The following PPP1R1C variants were observed in gnomAD, a reference collection of about 807,000 sequenced individuals.
PPP1R1C encodes the protein protein phosphatase 1 regulatory subunit 1C.
Under a neutral mutation model 17.4 loss-of-function variants are expected in PPP1R1C, and 15 were observed. The ratio of observed to expected loss-of-function variants is 0.86; its 90% CI spans 0.58 to 1.33. The LOEUF (loss-of-function observed/expected upper bound fraction) is 1.33, where lower values mean the gene tolerates loss of function less well. Ranked by LOEUF, PPP1R1C falls within the 40% of genes most tolerant of loss-of-function variation. The probability of loss-of-function intolerance (pLI) is 0.00; values close to 1 mark genes in which losing one functional copy is unlikely to be tolerated. For missense variants in PPP1R1C, 143 were observed against 130.0 expected (o/e 1.10, Z -0.48); for synonymous variants, 35 against 43.1 (o/e 0.81, Z 0.73).
intron 2 of PPP1R1C, among the ~76,000 whole-genome samples, chr2:181,993,808 GTGAGCCAAAGA>G (rs1223488973): frequency 6.6e-6 from 1 of 151,986 alleles, no homozygotes; most frequent in East Asian, 1.9e-4. Flanking sequence ...TGGAATAATT[GTGAGCCAAAGA>G]TGAGGTTCCA....
Position 181,967,483 on chromosome 2 carries a change from G to A in PPP1R1C, n.112-7736G>A, listed in dbSNP as rs1182477700. On this transcript the variant is annotated intron_variant and non_coding_transcript_variant, in intron 1 of 5. Coordinates refer to the PPP1R1C transcript ENST00000464264. The surrounding 1 kb of genome is among the most constrained non-coding windows in gnomAD (Gnocchi z 5.5). ...GTTTTTGCTGTATCCTACAGGTTTT[G>A]GTACAATGTGTTTCCATTTTCATTT... Among the ~76,000 whole-genome samples the A allele has an allele frequency of 2.6e-5, 4 of 151,860 alleles. No individual in the cohort carries two copies. Among genetic ancestry groups the A allele is most frequent in the Admixed American group, 1.3e-4 (2 of 15,246 alleles).
Position 182,117,634 on chromosome 2 carries a change from A to T in PPP1R1C, c.*339A>T. Reference sequence around the variant, plus strand: ...CTGATAAGGTTTGCATTCTAACAACACATGTAAATAACATCACTTTAAGAG... The same window carrying T: ...CTGATAAGGTTTGCATTCTAACAACTCATGTAAATAACATCACTTTAAGAG... On this transcript the variant is annotated 3_prime_UTR_variant, in exon 5 of 5. Coordinates refer to ENST00000682840, the MANE Select transcript of PPP1R1C (RefSeq NM_001080545.3). The T allele has an allele frequency of 5.1e-6, 1 of 195,332 alleles. No individual in the cohort carries two copies. The highest frequency in any genetic ancestry group is 1.5e-4 in the South Asian group (1 of 6,806). 12.1% of individuals were successfully genotyped at this position (195,332 alleles called of 1,614,324 possible).
chr2:182,050,400 G>T (rs1687476361), intron 2 of PPP1R1C, among the ~76,000 whole-genome samples: 1 of 151,996 alleles, frequency 6.6e-6, no homozygotes, highest in Non-Finnish European at 1.5e-5. Flanking sequence ...TGGTCTTTAG[G>T]ACTAAATTAT....
intron 4 of PPP1R1C, among the ~76,000 whole-genome samples, chr2:182,097,774 ACTT>A (rs1688985780): frequency 6.6e-6 from 1 of 152,114 alleles, no homozygotes; most frequent in Non-Finnish European, 1.5e-5. Flanking sequence ...ATGATTCTCC[ACTT>A]CTTCTCTTCC....
chr2:182,015,992 G>T (rs190792392), intron 2 of PPP1R1C, among the ~76,000 whole-genome samples: 4 of 152,232 alleles, frequency 2.6e-5, no homozygotes. Flanking sequence ...ACTAGGACTT[G>T]CCCAGGAATT....
chr2:182,013,933 C>T (rs1686166477), intron 2 of PPP1R1C, among the ~76,000 whole-genome samples: 1 of 152,142 alleles, frequency 6.6e-6, no homozygotes, highest in African/African-American at 2.4e-5. Context: ...ATTCTGAATT[C>T]CTTTTCTGTG....
intron 4 of PPP1R1C, among the ~76,000 whole-genome samples, chr2:182,071,845 T>A (rs765267768): frequency 2.0e-5 from 3 of 152,218 alleles, no homozygotes; most frequent in Non-Finnish European, 4.4e-5. Context: ...GACTCCTGTG[T>A]CCCATTGACA....
Position 181,992,560 on chromosome 2 carries a change from G to A in PPP1R1C, c.142+4661G>A, listed in dbSNP as rs976079665. On this transcript the variant is annotated intron_variant, in intron 2 of 4. Coordinates refer to ENST00000682840, the MANE Select transcript of PPP1R1C (RefSeq NM_001080545.3). ...TACAGTTATATTTAATGGACCTGACGCCTACTAAACATGAGTGAGCTGTAT... is the reference window on the plus strand; with the variant it reads ...TACAGTTATATTTAATGGACCTGACACCTACTAAACATGAGTGAGCTGTAT... 2.9e-4 allele frequency among the ~76,000 whole-genome samples: 39 copies of A among 134,128 alleles called. 7 individuals are homozygous for A. Among genetic ancestry groups the A allele is most frequent in the African/African-American group, 9.2e-4 (33 of 35,848 alleles). The allele number at this position is 134,128 out of a possible 152,430, so 88.0% of individuals were successfully genotyped here. A position where few individuals can be genotyped will look rare whatever the true frequency, so the allele number is the denominator to read the frequency against.
chr2:182,052,910 A>G (rs1256711456), intron 2 of PPP1R1C, among the ~76,000 whole-genome samples: 1 of 152,188 alleles, frequency 6.6e-6, no homozygotes, highest in African/African-American at 2.4e-5. Flanking sequence ...AGCCAAGAAA[A>G]AAAAATCGTA....
chr2:182,116,933 G>C (rs1689601893), intron 4 of PPP1R1C, among the ~76,000 whole-genome samples: 1 of 152,098 alleles, frequency 6.6e-6, no homozygotes, highest in South Asian at 2.1e-4. Context: ...CAGATTTTTA[G>C]TTAACAGGTT....
intron 4 of PPP1R1C, among the ~76,000 whole-genome samples, chr2:182,087,579 A>G (rs1296050320): frequency 1.3e-5 from 2 of 152,228 alleles, no homozygotes; most frequent in Non-Finnish European, 2.9e-5. Context: ...ATTCCAGTAT[A>G]CCAAAGTATG....
intron 4 of PPP1R1C, among the ~76,000 whole-genome samples, chr2:182,083,091 A>G (rs1688529363): frequency 6.6e-6 from 1 of 152,220 alleles, no homozygotes; most frequent in African/African-American, 2.4e-5. Flanking sequence ...TATTTGTGAT[A>G]TTAGAATCTC....
chr2:182,107,996 TC>T (rs1433014600), intron 4 of PPP1R1C, among the ~76,000 whole-genome samples: 5 of 152,028 alleles, frequency 3.3e-5, no homozygotes, highest in African/African-American at 1.2e-4. Flanking sequence ...TAGAAATTCT[TC>T]CGTCTGTTTT....
chr2:182,029,860 T>C (rs1194738418), intron 2 of PPP1R1C, among the ~76,000 whole-genome samples: 1 of 27,224 alleles, frequency 3.7e-5, no homozygotes, highest in Non-Finnish European at 7.2e-5. Flanking sequence ...CAATCAGACG[T>C]AGATTTGGTC....
At chr2:182,059,263 G>A (rs1687777990) in intron 2 of PPP1R1C, among the ~76,000 whole-genome samples, 1 of 152,058 alleles carries the variant, frequency 6.6e-6, no homozygotes, top group Non-Finnish European at 1.5e-5. Flanking sequence ...AGATATGGCT[G>A]GAATAGCTAC....
rs1689914012 is a variant in PPP1R1C, at chr2:182,127,905, T to G, written c.*7-1069T>G. Among the ~76,000 whole-genome samples, 4 of 151,954 alleles carry G rather than the reference T, an allele frequency of 2.6e-5. No homozygotes were observed. In the South Asian group the frequency reaches 8.3e-4, roughly 31 times the overall value. On this transcript the variant is annotated intron_variant, in intron 5 of 5. Coordinates refer to the PPP1R1C transcript ENST00000280295. Reference sequence around the variant, plus strand: ...CAGACTATTCATATTTGTCAAGGAGTTAAAAATATTAACATTCTGTAGACA... The same window carrying G: ...CAGACTATTCATATTTGTCAAGGAGGTAAAAATATTAACATTCTGTAGACA...
chr2:182,118,556 C>G (rs1046926604), downstream of PPP1R1C, among the ~76,000 whole-genome samples: 1 of 152,056 alleles, frequency 6.6e-6, no homozygotes, highest in Admixed American at 6.6e-5. Flanking sequence ...GTGTAATCCA[C>G]TGTGGGATCT....
At chr2:182,124,472 ATAAAT>A (rs1004461950) in intron 5 of PPP1R1C, among the ~76,000 whole-genome samples, 4 of 151,160 alleles carry the variant, frequency 2.6e-5, no homozygotes, top group South Asian at 2.1e-4. Flanking sequence ...CATTGAATCT[ATAAAT>A]TACTTTGGGC....
At chr2:182,049,781 GT>G (rs1687455454) in intron 2 of PPP1R1C, among the ~76,000 whole-genome samples, 2 of 152,060 alleles carry the variant, frequency 1.3e-5, no homozygotes, top group Non-Finnish European at 2.9e-5. Flanking sequence ...ATGGTCTGTG[GT>G]CTTTGTATTT....
Sources: gnomAD v4.1 joint callset for allele counts (sites outside exome capture counted in the v4.1 genomes callset) on GRCh38, gnomAD v4.1.1 for gene constraint, Gnocchi (gnomAD v3.1) non-coding constraint, MANE v1.5 for transcripts, NCBI Gene and HGNC (gene_info 2026-07-23, HGNC 2026-07-21) for gene names.